MPPED2: variants seen among roughly 807,000 people sequenced by gnomAD.
The protein encoded by MPPED2 is metallophosphoesterase domain containing 2.
A neutral mutation model predicts 33.0 loss-of-function variants in MPPED2; 5 were observed. That is an observed-to-expected ratio of 0.15 (90% CI 0.08 to 0.32). MPPED2 has a LOEUF of 0.32. Among genes scored for constraint, MPPED2 ranks in the 10% least tolerant of loss-of-function variants. The probability of loss-of-function intolerance (pLI) is 1.00; values close to 1 mark genes in which losing one functional copy is unlikely to be tolerated. For missense variants in MPPED2, 275 were observed against 372.1 expected, an observed-to-expected ratio of 0.74 and a Z score of 2.15; for synonymous variants, 136 against 141.9, an observed-to-expected ratio of 0.96 and a Z score of 0.29.
intron 4 of MPPED2, among the ~76,000 whole-genome samples, chr11:30,440,543 G>T (rs1211720943): frequency 6.6e-6 from 1 of 152,170 alleles, no homozygotes; most frequent in Non-Finnish European, 1.5e-5. Context: ...ATGAATGATG[G>T]TTATTAGGGC....
intron 4 of MPPED2, among the ~76,000 whole-genome samples, chr11:30,450,572 T>G (rs1204592752): frequency 6.6e-6 from 1 of 152,232 alleles, no homozygotes; most frequent in Non-Finnish European, 1.5e-5. Flanking sequence ...TAGCTGACTC[T>G]GGTTCCAAAA....
exon 7 of MPPED2, chr11:30,388,077 G>A (rs1281947078): frequency 6.6e-6 from 1 of 152,402 alleles, no homozygotes; most frequent in African/African-American, 2.4e-5. Context: ...TCGGCTGCCT[G>A]GGACTTGGGA....
In MPPED2 at chr11:30,411,468, T is replaced by G. The variant is rs1279402904; in HGVS notation, c.885A>C (p.Ter295CysextTer9). The G allele has an allele frequency of 6.2e-7, 1 of 1,612,524 alleles. No individual in the cohort carries two copies. Among genetic ancestry groups the G allele is most frequent in the Admixed American group, 1.7e-5 (1 of 59,968 alleles). The part of the protein sequence containing the change: ...IFDLPNPQGS[*>C] ...ACATTCCAATAGGGCATTTAGAGCT[T>G]CAGGAACCCTGTGGGTTTGGAAGGT... The change falls in exon 7 of 7, where the codon TGA becomes TGC. Residue 295 changes from the stop codon to cysteine (C), a stop_lost. Transcript: ENST00000358117.
intron 2 of MPPED2, among the ~76,000 whole-genome samples, chr11:30,539,447 A>G (rs1341307431): frequency 1.3e-5 from 2 of 152,192 alleles, no homozygotes; most frequent in Non-Finnish European, 2.9e-5. Context: ...CTGGGGGACA[A>G]CAAGGTGACA....
intron 3 of MPPED2, among the ~76,000 whole-genome samples, chr11:30,504,123 T>C (rs116699120): frequency 0.013 from 1,985 of 152,292 alleles, 47 homozygotes; most frequent in African/African-American, 0.046. Context: ...ATGCCAGTGA[T>C]ATAAAGTTAC....
chr11:30,404,166 C>A (rs1417674135), intron 6 of MPPED2, among the ~76,000 whole-genome samples: 1 of 152,200 alleles, frequency 6.6e-6, no homozygotes, highest in Non-Finnish European at 1.5e-5. Flanking sequence ...ATAGCCCAGA[C>A]CAAAGTCACC....
chr11:30,409,978 G>T, downstream of MPPED2: 1 of 522,928 alleles, frequency 1.9e-6, no homozygotes, highest in Non-Finnish European at 2.5e-6. Context: ...AATTACAACA[G>T]CCAAAGATGA....
At chr11:30,558,052 C>T (rs1956065272) in intron 2 of MPPED2, among the ~76,000 whole-genome samples, 1 of 152,166 alleles carries the variant, frequency 6.6e-6, no homozygotes, top group Non-Finnish European at 1.5e-5. Context: ...AAGGACAATC[C>T]TCAAAAAGTG....
chr11:30,410,812 G>C lies in MPPED2; in HGVS notation c.*656C>G. The stretch of plus-strand genomic sequence containing the variant: ...ATTCCATTTCTGTATTTTTAAAGCT[G>C]AAATAATTTAAAAGAAACAAACAAA... On this transcript the variant is annotated 3_prime_UTR_variant, in exon 7 of 7. Transcript: ENST00000358117. 1 of 985,592 alleles carries C rather than the reference G, an allele frequency of 1.0e-6. No individual in the cohort carries two copies. 61.1% of individuals were successfully genotyped at this position (985,592 alleles called of 1,614,324 possible).
chr11:30,440,740 G>A (rs189012857), intron 4 of MPPED2, among the ~76,000 whole-genome samples: 13 of 152,230 alleles, frequency 8.5e-5, no homozygotes, highest in South Asian at 2.1e-4. Context: ...ATAAACAATC[G>A]GAGCTGCCAC....
At chr11:30,475,538 A>T (rs988211715) in intron 4 of MPPED2, among the ~76,000 whole-genome samples, 1 of 152,150 alleles carries the variant, frequency 6.6e-6, no homozygotes, top group African/African-American at 2.4e-5. Context: ...ATACAAATGG[A>T]ATCACAGTAA....
chr11:30,581,542 G>C (rs149804537), intron 1 of MPPED2, among the ~76,000 whole-genome samples: 1 of 152,140 alleles, frequency 6.6e-6, no homozygotes, highest in East Asian at 1.9e-4. Context: ...AGTGCACAAC[G>C]TCAGAATAGG....
At chr11:30,473,561 T>G (rs964904640) in intron 4 of MPPED2, among the ~76,000 whole-genome samples, 10 of 152,166 alleles carry the variant, frequency 6.6e-5, no homozygotes, top group African/African-American at 2.4e-4. Flanking sequence ...GCGATCTCCC[T>G]GTCTGGTATT....
At chr11:30,420,366 G>C (rs1948557160) in intron 4 of MPPED2, among the ~76,000 whole-genome samples, 1 of 152,202 alleles carries the variant, frequency 6.6e-6, no homozygotes, top group African/African-American at 2.4e-5. Flanking sequence ...TCTTCCTATA[G>C]AGCCTCCAAA....
chr11:30,566,698 C>G lies in MPPED2; in HGVS notation c.128+13548G>C, dbSNP rs1263346597. On this transcript the variant is annotated intron_variant, in intron 2 of 6. Transcript: ENST00000358117. ...TGTTGACAGAGTCTCCAGAACATGC[C>G]TAGCATTGTGATAGGTGTTGTGAAT... is the stretch of plus-strand genomic sequence containing the variant. 2.6e-5 allele frequency among the ~76,000 whole-genome samples: 4 copies of G among 152,220 alleles called. No individual in the cohort carries two copies. In the East Asian group the frequency reaches 7.7e-4, roughly 29 times the overall value.
At chr11:30,477,624 G>A (rs955681335) in intron 4 of MPPED2, among the ~76,000 whole-genome samples, 33 of 151,728 alleles carry the variant, frequency 2.2e-4, no homozygotes, top group Admixed American at 1.1e-3. Context: ...CTAACCTTCC[G>A]GAAAGTATTT....
At chr11:30,473,501 A>G (rs1009585574) in intron 4 of MPPED2, among the ~76,000 whole-genome samples, 2 of 152,162 alleles carry the variant, frequency 1.3e-5, no homozygotes, top group Non-Finnish European at 2.9e-5. Context: ...TGCCACTGCC[A>G]CTATGATGGG....
intron 3 of MPPED2, among the ~76,000 whole-genome samples, chr11:30,523,290 T>C (rs187977331): frequency 1.3e-5 from 2 of 151,948 alleles, no homozygotes; most frequent in African/African-American, 4.8e-5. Flanking sequence ...CTGGAAACAA[T>C]ATACAGGCAG....
chr11:30,564,051 C>T (rs564300429), intron 2 of MPPED2, among the ~76,000 whole-genome samples: 1 of 152,312 alleles, frequency 6.6e-6, no homozygotes, highest in Non-Finnish European at 1.5e-5. Context: ...CTTTCTTCTA[C>T]TCTGGCTAGA....
Sources: gnomAD v4.1 joint callset for allele counts (sites outside exome capture counted in the v4.1 genomes callset) on GRCh38, gnomAD v4.1.1 for gene constraint, MANE v1.5 for transcripts, NCBI Gene and HGNC (gene_info 2026-07-23, HGNC 2026-07-21) for gene names.